The following ASPH variants were observed in gnomAD, a reference collection of about 807,000 sequenced individuals.
ASPH encodes aspartyl/asparaginyl beta-hydroxylase.
A neutral mutation model predicts 118.4 loss-of-function variants in ASPH; 100 were observed. That is an observed-to-expected ratio of 0.84 (90% CI 0.72 to 1.00). The LOEUF (loss-of-function observed/expected upper bound fraction) is 1.00. ASPH is among the 50% of genes least tolerant of loss of function. ASPH has a pLI of 0.00. For synonymous variants in ASPH, 315 were observed against 325.6 expected (o/e 0.97, Z 0.35); for missense variants, 920 against 919.5 (o/e 1.00, Z -0.01).
intron 17 of ASPH, among the ~76,000 whole-genome samples, chr8:61,566,135 G>A (rs1000990445): frequency 2.0e-5 from 3 of 152,152 alleles, no homozygotes; most frequent in African/African-American, 7.2e-5. Flanking sequence ...GGATCAAGGA[G>A]TAATTTAGAC....
intron 13 of ASPH, 52 bp downstream of exon 13, chr8:61,633,630 CA>C: frequency 2.1e-6 from 3 of 1,446,750 alleles, no homozygotes; most frequent in East Asian, 2.3e-5. Flanking sequence ...GTAATATTAA[CA>C]GGATTTTTAA....
At chr8:61,685,685 C>T (rs1830202476) in intron 1 of ASPH, among the ~76,000 whole-genome samples, 1 of 151,936 alleles carries the variant, frequency 6.6e-6, no homozygotes, top group South Asian at 2.1e-4. Flanking sequence ...AAATACACCA[C>T]TAGATCAGTT....
intron 19 of ASPH, among the ~76,000 whole-genome samples, chr8:61,554,023 C>G (rs888565634): frequency 1.3e-5 from 2 of 152,182 alleles, no homozygotes; most frequent in African/African-American, 4.8e-5. Flanking sequence ...TCTAATTGAC[C>G]AACACTCAAG....
At chr8:61,516,070 T>C (rs755120868) in intron 24 of ASPH, among the ~76,000 whole-genome samples, 2 of 152,252 alleles carry the variant, frequency 1.3e-5, no homozygotes, top group Non-Finnish European at 2.9e-5. Context: ...TTATTCTTTA[T>C]GTACCATACA....
chr8:61,505,493 C>CA (rs59845860), intron 24 of ASPH, among the ~76,000 whole-genome samples: 14 of 110,536 alleles, frequency 1.3e-4, no homozygotes, highest in Admixed American at 1.8e-4. Flanking sequence ...GACTCCATCT[C>CA]AAAAAAAAAA....
chr8:61,580,309 C>T (rs186526263), intron 15 of ASPH, among the ~76,000 whole-genome samples: 323 of 152,314 alleles, frequency 2.1e-3, no homozygotes, highest in Non-Finnish European at 3.4e-3. Context: ...CATTTCCCTT[C>T]TACGCTGCCC....
At chr8:61,577,292 C>T (rs1357778737) in intron 15 of ASPH, among the ~76,000 whole-genome samples, 3 of 150,688 alleles carry the variant, frequency 2.0e-5, no homozygotes, top group African/African-American at 2.4e-5. Context: ...TGTAACAAAC[C>T]TGCACATGGT....
chr8:61,551,640 A>G (rs777242190), intron 20 of ASPH, among the ~76,000 whole-genome samples: 5 of 152,206 alleles, frequency 3.3e-5, no homozygotes, highest in South Asian at 2.1e-4. Flanking sequence ...TGTGAGATAA[A>G]TCATAGGCTT....
At chr8:61,606,255 A>T (rs1455327507) in intron 14 of ASPH, among the ~76,000 whole-genome samples, 1 of 152,202 alleles carries the variant, frequency 6.6e-6, no homozygotes, top group African/African-American at 2.4e-5. Flanking sequence ...AATTAATGCT[A>T]CTTCCACCCT....
At chr8:61,706,427 A>AAAAG (rs1836675228) in intron 1 of ASPH, among the ~76,000 whole-genome samples, 7 of 86,110 alleles carry the variant, frequency 8.1e-5, no homozygotes, top group South Asian at 3.1e-4. Context: ...AAAAAAAAAA[A>AAAAG]AAGAAGAAGA....
At position 61,613,799 on chromosome 8, in the gene ASPH, T is replaced by A. The variant is rs142698430; in HGVS notation, c.976+5179A>T. Among the ~76,000 whole-genome samples the A allele has an allele frequency of 1.6e-3, 246 of 152,280 alleles. 2 individuals carry two copies. Among genetic ancestry groups the A allele is most frequent in the African/African-American group, 5.1e-3 (214 of 41,564 alleles). ...ATGCGTCATGTGCTGCACTAAGAAG[T>A]TTATTTTTTTATCATCAAAGCAATA... is the stretch of plus-strand genomic sequence containing the variant. On this transcript the variant is annotated intron_variant, in intron 14 of 24. Transcript: ENST00000379454.
chr8:61,696,266 C>G (rs1333682496), intron 1 of ASPH, among the ~76,000 whole-genome samples: 3 of 152,152 alleles, frequency 2.0e-5, no homozygotes, highest in African/African-American at 7.2e-5. Flanking sequence ...AGTTTTAGAA[C>G]TTAGGAAAAC....
chr8:61,525,796 A>T (rs1469551488), intron 22 of ASPH, among the ~76,000 whole-genome samples, 181 bp downstream of exon 22: 2 of 152,230 alleles, frequency 1.3e-5, no homozygotes, highest in African/African-American at 2.4e-5. Flanking sequence ...ACACATACAA[A>T]TAAGGGCTCA....
intron 21 of ASPH, among the ~76,000 whole-genome samples, chr8:61,539,293 G>T (rs912632520): frequency 6.6e-6 from 1 of 152,102 alleles, no homozygotes; most frequent in Non-Finnish European, 1.5e-5. Context: ...GTAGTTTTCT[G>T]TATGGGTCTG....
intron 13 of ASPH, among the ~76,000 whole-genome samples, chr8:61,622,885 C>G (rs1458062198): frequency 6.6e-6 from 1 of 152,164 alleles, no homozygotes; most frequent in African/African-American, 2.4e-5. Context: ...AAAAGTGGGT[C>G]TGCTTACCAT....
chr8:61,529,265 T>C (rs774490273), intron 21 of ASPH, among the ~76,000 whole-genome samples: 32 of 152,102 alleles, frequency 2.1e-4, no homozygotes, highest in Non-Finnish European at 2.1e-4. Flanking sequence ...AAAAGAGCAA[T>C]TGCGAGGTAC....
rs549795628 is a variant in ASPH at position 61,668,335 on chromosome 8, A to G, written c.322+12633T>C. ...ACAGAAAATTTAAGGGAATTCAAAA[A>G]TAAGTGTCTATTAAATAGGTAAAAT... On this transcript the variant is annotated intron_variant, in intron 3 of 24. Coordinates refer to ENST00000379454, the MANE Select transcript of ASPH (RefSeq NM_004318.4). The G allele has an allele frequency of 5.1e-6, 7 of 1,381,726 alleles. No homozygotes were observed. The African/African-American group carries it at 8.7e-5, about 17-fold the overall frequency. The allele number at this position is 1,381,726 out of a possible 1,614,324, so 85.6% of individuals were successfully genotyped here.
At chr8:61,661,901 G>A (rs189795115) in intron 3 of ASPH, 95 of 450,290 alleles carry the variant, frequency 2.1e-4, no homozygotes, top group Non-Finnish European at 2.9e-4. Flanking sequence ...ATTTTGAGAC[G>A]ATCATCTATA....
At chr8:61,643,527 A>G in intron 8 of ASPH, 94 bp from the exon 9 acceptor site, 1 of 1,261,406 alleles carries the variant, frequency 7.9e-7, no homozygotes, top group South Asian at 1.3e-5. Context: ...TTATCTTCAC[A>G]ACTTTGCCAG....
Sources: gnomAD v4.1 joint callset for allele counts (sites outside exome capture counted in the v4.1 genomes callset) on GRCh38, gnomAD v4.1.1 for gene constraint, MANE v1.5 for transcripts, NCBI Gene and HGNC (gene_info 2026-07-23, HGNC 2026-07-21) for gene names.